The following ATRNL1 variants were observed in gnomAD, a reference collection of about 807,000 sequenced individuals.
The protein encoded by ATRNL1 is attractin-like protein 1.
ATRNL1 carries 95 observed loss-of-function variants against 182.7 expected under a neutral mutation model. That is an observed-to-expected ratio of 0.52 (90% confidence interval 0.44 to 0.62). The LOEUF (loss-of-function observed/expected upper bound fraction) is 0.62, where lower values mean the gene tolerates loss of function less well. ATRNL1 is among the 20% of genes least tolerant of loss of function. The pLI, the probability that ATRNL1 is intolerant of heterozygous loss-of-function variation, is 0.00. For synonymous variants in ATRNL1, 576 were observed against 568.3 expected, an observed-to-expected ratio of 1.01 and a Z score of -0.19; for missense variants, 1,471 against 1,679.5, an observed-to-expected ratio of 0.88 and a Z score of 2.17.
At chr10:115,869,764 TC>T (rs1368464767) in intron 28 of ATRNL1, among the ~76,000 whole-genome samples, 3 of 152,198 alleles carry the variant, frequency 2.0e-5, no homozygotes, top group Non-Finnish European at 2.9e-5. Flanking sequence ...TATTTGGATT[TC>T]TTTTTACATA....
At chr10:115,190,004 C>T (rs1848108425) in intron 8 of ATRNL1, among the ~76,000 whole-genome samples, 1 of 152,074 alleles carries the variant, frequency 6.6e-6, no homozygotes, top group African/African-American at 2.4e-5. Context: ...TAATTACCTA[C>T]AGTATTCAGT....
rs1443600510 is a variant in ATRNL1, at chr10:115,597,509, A to G, written c.3795+47973A>G. ...GTGGGTTAATAATGATGAAATTTCA[A>G]TTACAAAATATGAGAAAAAACTTTG... On this transcript the variant is annotated intron_variant, in intron 26 of 28. Transcript: ENST00000355044. 2.2e-5 allele frequency: 8 copies of G among 356,500 alleles called. No homozygotes were observed. In the Admixed American group the frequency reaches 3.2e-4, roughly 14 times the overall value. 22.1% of individuals were successfully genotyped at this position (356,500 alleles called of 1,614,324 possible). A position where few individuals can be genotyped will look rare whatever the true frequency, so the allele number is the denominator to read the frequency against.
intron 27 of ATRNL1, among the ~76,000 whole-genome samples, chr10:115,786,529 T>G (rs1949400347): frequency 6.6e-6 from 1 of 152,230 alleles, no homozygotes; most frequent in Non-Finnish European, 1.5e-5. Flanking sequence ...ATGCACTTCC[T>G]CTTCCTTCTT....
At chr10:115,368,891 T>G (rs1476942143) in intron 19 of ATRNL1, among the ~76,000 whole-genome samples, 1 of 152,038 alleles carries the variant, frequency 6.6e-6, no homozygotes, top group Non-Finnish European at 1.5e-5. Flanking sequence ...TTTTTGTATA[T>G]TTAGTAGAGA....
At chr10:115,320,232 C>T (rs1467231341) in intron 18 of ATRNL1, among the ~76,000 whole-genome samples, 1 of 152,126 alleles carries the variant, frequency 6.6e-6, no homozygotes, top group East Asian at 1.9e-4. Context: ...CTAGTCTCCT[C>T]TAGCTTGTAG....
chr10:115,153,704 G>A (rs531403202), intron 5 of ATRNL1, among the ~76,000 whole-genome samples: 41 of 151,980 alleles, frequency 2.7e-4, no homozygotes, highest in Non-Finnish European at 5.0e-4. Flanking sequence ...AGGGTTTTTT[G>A]TGTCTCTATC....
chr10:115,225,497 A>AATATAATATG (rs1246785787), intron 9 of ATRNL1, among the ~76,000 whole-genome samples: 2 of 148,440 alleles, frequency 1.3e-5, no homozygotes, highest in Non-Finnish European at 3.0e-5. Context: ...AATATAATAT[A>AATATAATATG]ATATAATATG....
intron 17 of ATRNL1, among the ~76,000 whole-genome samples, chr10:115,314,845 A>G (rs184766669): frequency 1.3e-5 from 2 of 152,350 alleles, no homozygotes; most frequent in Admixed American, 1.3e-4. Flanking sequence ...AAGGTTGAGT[A>G]TCTGCAAATG....
intron 10 of ATRNL1, among the ~76,000 whole-genome samples, chr10:115,243,967 A>G (rs990392644): frequency 4.6e-5 from 7 of 152,068 alleles, no homozygotes; most frequent in Non-Finnish European, 7.4e-5. Flanking sequence ...GAAATGTTGG[A>G]CTATTTTTCT....
intron 26 of ATRNL1, among the ~76,000 whole-genome samples, chr10:115,705,799 CAG>C (rs1555052906): frequency 6.6e-6 from 1 of 151,924 alleles, no homozygotes; most frequent in African/African-American, 2.4e-5. Flanking sequence ...AGGGATTATG[CAG>C]AAAGTAGTTT....
chr10:115,184,400 CTATA>C (rs1475286970), intron 8 of ATRNL1, among the ~76,000 whole-genome samples: 5 of 150,536 alleles, frequency 3.3e-5, no homozygotes, highest in East Asian at 1.9e-4. Flanking sequence ...ATGTATATAA[CTATA>C]TATACACAAC....
intron 24 of ATRNL1, among the ~76,000 whole-genome samples, chr10:115,480,084 T>G (rs1848696233): frequency 6.6e-6 from 1 of 151,256 alleles, no homozygotes; most frequent in African/African-American, 2.4e-5. Context: ...TACTGGTTAA[T>G]TTCCTTACTA....
intron 26 of ATRNL1, among the ~76,000 whole-genome samples, chr10:115,616,060 G>A (rs1439011833): frequency 6.6e-6 from 1 of 152,142 alleles, no homozygotes; most frequent in Non-Finnish European, 1.5e-5. Context: ...TTGTTAGATT[G>A]TTATAACCAA....
chr10:115,819,293 A>G (rs1278277932), intron 27 of ATRNL1, among the ~76,000 whole-genome samples: 3 of 151,612 alleles, frequency 2.0e-5, no homozygotes, highest in Non-Finnish European at 4.4e-5. Flanking sequence ...TTTAATATGT[A>G]CTCTTTATAC....
chr10:115,651,180 T>C (rs537982936), intron 26 of ATRNL1, among the ~76,000 whole-genome samples: 12 of 152,096 alleles, frequency 7.9e-5, no homozygotes, highest in Non-Finnish European at 1.5e-4. Context: ...AGAAAGTGTA[T>C]GTTTGAAAAT....
At chr10:115,903,150 G>A (rs1337441176) in intron 28 of ATRNL1, among the ~76,000 whole-genome samples, 2 of 152,120 alleles carry the variant, frequency 1.3e-5, no homozygotes, top group African/African-American at 4.8e-5. Flanking sequence ...AATTACCAGG[G>A]AATTAATTAT....
chr10:115,527,832 TCCTC>T (rs1208052664), intron 25 of ATRNL1, among the ~76,000 whole-genome samples: 3 of 100,032 alleles, frequency 3.0e-5, no homozygotes, highest in African/African-American at 8.6e-5. Flanking sequence ...CTTCCTCCCT[TCCTC>T]CCTCCCTCCT....
chr10:115,311,394 G>C (rs565339754), intron 17 of ATRNL1, among the ~76,000 whole-genome samples: 2 of 152,116 alleles, frequency 1.3e-5, no homozygotes, highest in East Asian at 3.9e-4. Flanking sequence ...TCACCATGTT[G>C]GTCAGGCTGG....
intron 26 of ATRNL1, among the ~76,000 whole-genome samples, chr10:115,558,069 A>AC (rs1554997744): frequency 7.3e-5 from 11 of 151,272 alleles, no homozygotes; most frequent in Non-Finnish European, 1.3e-4. Context: ...AAAAAACAAA[A>AC]AAAAAAAACC....
Sources: gnomAD v4.1 joint callset for allele counts (sites outside exome capture counted in the v4.1 genomes callset) on GRCh38, gnomAD v4.1.1 for gene constraint, MANE v1.5 for transcripts, NCBI Gene and HGNC (gene_info 2026-07-23, HGNC 2026-07-21) for gene names.